Variants in CNTNAP2 observed in about 807,000 individuals in gnomAD.
The protein encoded by CNTNAP2 is contactin-associated protein-like 2.
CNTNAP2 carries 98 observed loss-of-function variants against 155.2 expected under a neutral mutation model. That is an observed-to-expected ratio of 0.63 (90% confidence interval 0.54 to 0.75). The LOEUF is 0.75. CNTNAP2 is among the 30% of genes least tolerant of loss of function. The pLI is 0.00. For synonymous variants in CNTNAP2, 651 were observed against 631.2 expected (o/e 1.03, Z -0.47); for missense variants, 1,727 against 1,688.1 (o/e 1.02, Z -0.40).
chr7:146,843,254 C>T (rs1306678375), intron 3 of CNTNAP2, among the ~76,000 whole-genome samples: 9 of 132,024 alleles, frequency 6.8e-5, no homozygotes, highest in Middle Eastern at 4.9e-3. Flanking sequence ...CCTCATGATC[C>T]ACCCGCCTCG....
intron 11 of CNTNAP2, among the ~76,000 whole-genome samples, chr7:147,487,463 T>C (rs538395991): frequency 3.3e-5 from 5 of 152,198 alleles, no homozygotes; most frequent in East Asian, 1.9e-4. Context: ...TAGAATTACA[T>C]TGATGAAACT....
intron 9 of CNTNAP2, among the ~76,000 whole-genome samples, chr7:147,355,365 C>T (rs566879815): frequency 6.6e-6 from 1 of 152,046 alleles, no homozygotes; most frequent in African/African-American, 2.4e-5. Flanking sequence ...GGTATCCTAA[C>T]GTTACAATTT....
At chr7:147,103,127 C>T (rs1314014136) in intron 4 of CNTNAP2, among the ~76,000 whole-genome samples, 2 of 152,118 alleles carry the variant, frequency 1.3e-5, no homozygotes, top group South Asian at 2.1e-4. Flanking sequence ...TGAGTGACAA[C>T]ATTCACACAT....
chr7:146,970,026 G>T (rs1213915299), intron 3 of CNTNAP2, among the ~76,000 whole-genome samples: 3 of 152,124 alleles, frequency 2.0e-5, no homozygotes, highest in Non-Finnish European at 2.9e-5. Context: ...GCTGAAACTG[G>T]ATCCCTTCCT....
intron 1 of CNTNAP2, among the ~76,000 whole-genome samples, chr7:146,315,364 G>A (rs1245220250): frequency 6.6e-6 from 1 of 152,172 alleles, no homozygotes; most frequent in Non-Finnish European, 1.5e-5. Flanking sequence ...TATAGGTGTG[G>A]TGCAAGCCTG....
chr7:147,984,270 T>C (rs1012310345), intron 15 of CNTNAP2, among the ~76,000 whole-genome samples: 3 of 152,236 alleles, frequency 2.0e-5, no homozygotes, highest in Admixed American at 2.0e-4. Flanking sequence ...ACCTGTATCT[T>C]GTGCCAACTT....
chr7:147,228,720 G>GT (rs1803605647), intron 8 of CNTNAP2, among the ~76,000 whole-genome samples: 1 of 148,118 alleles, frequency 6.8e-6, no homozygotes, highest in Admixed American at 6.8e-5. Flanking sequence ...GGTTTGTTAC[G>GT]TAGGTATACA....
intron 4 of CNTNAP2, among the ~76,000 whole-genome samples, chr7:147,086,433 T>C (rs914056659): frequency 2.6e-5 from 4 of 152,148 alleles, no homozygotes; most frequent in African/African-American, 9.6e-5. Context: ...TTTTTATTTT[T>C]AATTTTTTTA....
Position 146,310,438 on chromosome 7 carries a change from C to T in CNTNAP2, c.97+193465C>T, listed in dbSNP as rs545256379. Among the ~76,000 whole-genome samples, 54 of 152,026 alleles carry T rather than the reference C, an allele frequency of 3.6e-4. No individual in the cohort carries two copies. The South Asian group carries it at 7.7e-3, about 22-fold the overall frequency. On this transcript the variant is annotated intron_variant, in intron 1 of 23. Coordinates refer to ENST00000361727, the MANE Select transcript of CNTNAP2 (RefSeq NM_014141.6). ...AAGGAGTAGATACTATTGCATTGTG[C>T]GTGGATAGAGCATATTTTCCTCTTA...
chr7:147,383,170 C>T (rs759150863), intron 9 of CNTNAP2, among the ~76,000 whole-genome samples: 6 of 151,932 alleles, frequency 3.9e-5, no homozygotes, highest in South Asian at 2.1e-4. Context: ...GGTCTCTGAC[C>T]GGCAGTTTAA....
chr7:146,640,651 C>T (rs946953274), intron 1 of CNTNAP2, among the ~76,000 whole-genome samples: 1 of 152,114 alleles, frequency 6.6e-6, no homozygotes, highest in East Asian at 1.9e-4. Context: ...GAAGGTTATC[C>T]GTAGCACCTA....
chr7:147,736,606 C>G (rs1483056429), intron 13 of CNTNAP2, among the ~76,000 whole-genome samples: 4 of 152,014 alleles, frequency 2.6e-5, no homozygotes, highest in African/African-American at 9.7e-5. Context: ...GAATAATATT[C>G]TGCAGAGTGT....
chr7:147,490,321 G>A (rs1798584288), intron 11 of CNTNAP2, among the ~76,000 whole-genome samples: 1 of 152,142 alleles, frequency 6.6e-6, no homozygotes, highest in South Asian at 2.1e-4. Flanking sequence ...ATTTTTTCTA[G>A]CCAATGTTAG....
intron 1 of CNTNAP2, among the ~76,000 whole-genome samples, chr7:146,586,438 G>T: frequency 6.6e-6 from 1 of 152,108 alleles, no homozygotes; most frequent in Admixed American, 6.6e-5. Context: ...AGAGTATAGA[G>T]CCTACAGCTG....
chr7:147,781,806 G>A (rs1416063713), intron 13 of CNTNAP2, among the ~76,000 whole-genome samples: 5 of 152,090 alleles, frequency 3.3e-5, no homozygotes, highest in Non-Finnish European at 7.4e-5. Flanking sequence ...GGCGGATCAC[G>A]AGGTCAGGAG....
intron 3 of CNTNAP2, among the ~76,000 whole-genome samples, chr7:146,887,741 A>G (rs1056059384): frequency 6.6e-6 from 1 of 152,090 alleles, no homozygotes; most frequent in South Asian, 2.1e-4. Context: ...TGGCTTCCTG[A>G]TATGCTTTTT....
intron 16 of CNTNAP2, among the ~76,000 whole-genome samples, chr7:148,137,749 T>G (rs1804990128): frequency 6.6e-6 from 1 of 150,940 alleles, no homozygotes; most frequent in African/African-American, 2.5e-5. Context: ...TCTCCTTTCC[T>G]CTCTAATGTC....
intron 15 of CNTNAP2, among the ~76,000 whole-genome samples, chr7:148,018,060 C>T (rs1802211349): frequency 1.3e-5 from 2 of 152,288 alleles, no homozygotes; most frequent in African/African-American, 2.4e-5. Context: ...ACACAGATTC[C>T]AAGAACTCTC....
chr7:146,934,081 C>G (rs1262834149), intron 3 of CNTNAP2, among the ~76,000 whole-genome samples: 5 of 152,068 alleles, frequency 3.3e-5, no homozygotes, highest in African/African-American at 1.2e-4. Context: ...CCCAGCCATC[C>G]TATTACTGGG....
Sources: gnomAD v4.1 joint callset for allele counts (sites outside exome capture counted in the v4.1 genomes callset) on GRCh38, gnomAD v4.1.1 for gene constraint, MANE v1.5 for transcripts, NCBI Gene and HGNC (gene_info 2026-07-23, HGNC 2026-07-21) for gene names.